Variants in NMNAT2 observed in about 807,000 individuals in gnomAD.
NMNAT2 encodes the protein nicotinamide/nicotinic acid mononucleotide adenylyltransferase 2.
Under a neutral mutation model 41.6 loss-of-function variants are expected in NMNAT2, and 11 were observed. That is an observed-to-expected ratio of 0.26 (90% CI 0.17 to 0.44). The LOEUF is 0.44. Ranked by LOEUF, NMNAT2 falls within the 20% of genes least tolerant of loss-of-function variation. The pLI, the probability that NMNAT2 is intolerant of heterozygous loss-of-function variation, is 1.00. For synonymous variants in NMNAT2, 148 were observed against 151.2 expected (o/e 0.98, Z 0.16); for missense variants, 288 against 407.7 (o/e 0.71, Z 2.53).
intron 8 of NMNAT2, among the ~76,000 whole-genome samples, chr1:183,264,802 C>T (rs192713056): frequency 1.0e-3 from 152 of 152,212 alleles, no homozygotes; most frequent in Non-Finnish European, 1.9e-3. Flanking sequence ...CCACCTCAAG[C>T]CCCCATTGCC....
chr1:183,321,463 A>G (rs988481591), intron 1 of NMNAT2, among the ~76,000 whole-genome samples: 2 of 152,296 alleles, frequency 1.3e-5, no homozygotes, highest in African/African-American at 4.8e-5. Context: ...ATATTTGGCC[A>G]GGCGCGGTGG....
At chr1:183,362,835 T>G (rs1005347306) in intron 1 of NMNAT2, among the ~76,000 whole-genome samples, 9 of 152,356 alleles carry the variant, frequency 5.9e-5, no homozygotes, top group Admixed American at 1.3e-4. Flanking sequence ...TTTGAGAAAC[T>G]GACAGATTAT....
At chr1:183,372,273 C>T (rs1204005034) in intron 1 of NMNAT2, among the ~76,000 whole-genome samples, 1 of 152,132 alleles carries the variant, frequency 6.6e-6, no homozygotes, top group East Asian at 1.9e-4. Flanking sequence ...AGAGGCTATC[C>T]ATCAAACCAG....
chr1:183,402,978 G>A (rs1161445995), intron 1 of NMNAT2, among the ~76,000 whole-genome samples: 3 of 145,908 alleles, frequency 2.1e-5, no homozygotes, highest in Admixed American at 6.8e-5. Context: ...TTTTTTTTCT[G>A]AGGTGGGTGC....
At chr1:183,381,171 A>G (rs1196631268) in intron 1 of NMNAT2, among the ~76,000 whole-genome samples, 1 of 152,150 alleles carries the variant, frequency 6.6e-6, no homozygotes, top group African/African-American at 2.4e-5. Context: ...CTGATTACAT[A>G]TATGACCAGG....
At chr1:183,336,402 A>G (rs1308591663) in intron 1 of NMNAT2, among the ~76,000 whole-genome samples, 1 of 152,208 alleles carries the variant, frequency 6.6e-6, no homozygotes, top group Non-Finnish European at 1.5e-5. Context: ...TGAAAAACCA[A>G]TATGTGTTAA....
chr1:183,403,323 A>G (rs993201052), intron 1 of NMNAT2, among the ~76,000 whole-genome samples: 2 of 152,216 alleles, frequency 1.3e-5, no homozygotes, highest in Admixed American at 6.5e-5. Flanking sequence ...TTAAACAAAC[A>G]AAAAATGTTT....
At chr1:183,380,005 A>G (rs1233189926) in intron 1 of NMNAT2, among the ~76,000 whole-genome samples, 4 of 152,220 alleles carry the variant, frequency 2.6e-5, no homozygotes, top group African/African-American at 4.8e-5. Flanking sequence ...TCTGCCAGCA[A>G]CTTTAACTGA....
At chr1:183,269,823 CTT>C (rs1660936198) in intron 8 of NMNAT2, among the ~76,000 whole-genome samples, 1 of 152,220 alleles carries the variant, frequency 6.6e-6, no homozygotes, top group Non-Finnish European at 1.5e-5. Context: ...CTTAAAGACT[CTT>C]TCCTCCACAT....
At chr1:183,402,085 T>G (rs1363854230) in intron 1 of NMNAT2, among the ~76,000 whole-genome samples, 1 of 152,028 alleles carries the variant, frequency 6.6e-6, no homozygotes, top group Non-Finnish European at 1.5e-5. Context: ...AAAAATATGC[T>G]AAGAGGGTAG....
At chr1:183,368,634 T>G (rs1396642881) in intron 1 of NMNAT2, among the ~76,000 whole-genome samples, 4 of 152,190 alleles carry the variant, frequency 2.6e-5, no homozygotes, top group Non-Finnish European at 5.9e-5. Context: ...CCATTCCTGA[T>G]CTCAACTCTA....
chr1:183,373,758 C>G (rs145992898), intron 1 of NMNAT2, among the ~76,000 whole-genome samples: 6 of 151,962 alleles, frequency 3.9e-5, no homozygotes, highest in African/African-American at 1.2e-4. Flanking sequence ...GCTGGGACTA[C>G]AGGCACACGC....
At chr1:183,297,867 G>C (rs1192873866) in intron 1 of NMNAT2, among the ~76,000 whole-genome samples, 1 of 152,180 alleles carries the variant, frequency 6.6e-6, no homozygotes, top group African/African-American at 2.4e-5. Flanking sequence ...CTGTGACTAA[G>C]TGGTGTATAT....
At chr1:183,359,422 C>T (rs948337446) in intron 1 of NMNAT2, among the ~76,000 whole-genome samples, 4 of 152,156 alleles carry the variant, frequency 2.6e-5, no homozygotes, top group African/African-American at 9.7e-5. Context: ...GTGTGAACCA[C>T]CAGATTCTCA....
At chr1:183,284,072 G>A in intron 6 of NMNAT2, 33 bp from the exon 7 acceptor site, 1 of 1,597,456 alleles carries the variant, frequency 6.3e-7, no homozygotes, top group Non-Finnish European at 8.6e-7. Flanking sequence ...AGGGCATTAG[G>A]GAACAGGCTT....
chr1:183,393,894 C>T (rs780906790), intron 1 of NMNAT2, among the ~76,000 whole-genome samples: 2 of 152,162 alleles, frequency 1.3e-5, no homozygotes, highest in Admixed American at 6.5e-5. Context: ...TAACTGAGTG[C>T]TTCCCAGATT....
intron 1 of NMNAT2, among the ~76,000 whole-genome samples, chr1:183,393,824 G>A (rs1211415759): frequency 6.6e-6 from 1 of 152,166 alleles, no homozygotes; most frequent in Non-Finnish European, 1.5e-5. Flanking sequence ...CCAAAGTGCT[G>A]GGATTACATG....
chr1:183,348,498 A>G (rs949570377), intron 1 of NMNAT2, among the ~76,000 whole-genome samples: 7 of 152,222 alleles, frequency 4.6e-5, no homozygotes, highest in Admixed American at 4.6e-4. Flanking sequence ...CTTTGTTCCT[A>G]AGACCCTTTT....
intron 7 of NMNAT2, 186 bp from the exon 8 acceptor site, chr1:183,278,815 G>A: frequency 1.7e-6 from 1 of 572,698 alleles, no homozygotes. Flanking sequence ...TCTTCCTCGG[G>A]CTCATTTCCA....
Sources: allele counts gnomAD v4.1 joint callset (sites outside exome capture counted in the v4.1 genomes callset), GRCh38; gene constraint gnomAD v4.1.1; transcripts MANE v1.5; gene names NCBI Gene and HGNC (gene_info 2026-07-23, HGNC 2026-07-21).